Variants in TADA2A observed in about 807,000 individuals in gnomAD.
The protein encoded by TADA2A is transcriptional adapter 2-alpha.
Under a neutral mutation model 67.4 loss-of-function variants are expected in TADA2A, and 38 were observed. That is an observed-to-expected ratio of 0.56 (90% confidence interval 0.44 to 0.74). The LOEUF is 0.74. Ranked by LOEUF, TADA2A falls within the 30% of genes least tolerant of loss-of-function variation. The pLI is 0.00. For missense variants in TADA2A, 454 were observed against 547.0 expected, an observed-to-expected ratio of 0.83 and a Z score of 1.70; for synonymous variants, 192 against 181.6, an observed-to-expected ratio of 1.06 and a Z score of -0.46.
At chr17:37,433,205 G>A in intron 4 of TADA2A, among the ~76,000 whole-genome samples, 1 of 151,830 alleles carries the variant, frequency 6.6e-6, no homozygotes, top group Admixed American at 6.6e-5. Context: ...CTCCCACCTT[G>A]GCCTCCCAGA....
intron 4 of TADA2A, 55 bp downstream of exon 4, chr17:37,427,064 G>A: frequency 2.1e-6 from 3 of 1,451,952 alleles, no homozygotes; most frequent in Middle Eastern, 1.9e-4. Context: ...ATTAGACTGG[G>A]AAGTAGTTTT....
chr17:37,470,576 G>T (rs1330476052), intron 13 of TADA2A, 44 bp downstream of exon 13: 1 of 1,475,442 alleles, frequency 6.8e-7, no homozygotes, highest in Non-Finnish European at 9.0e-7. Flanking sequence ...TTTCTGGGAT[G>T]CCTTGGCCTT....
At chr17:37,436,984 G>A (rs1227979957) in intron 4 of TADA2A, among the ~76,000 whole-genome samples, 1 of 151,874 alleles carries the variant, frequency 6.6e-6, no homozygotes, top group Non-Finnish European at 1.5e-5. Flanking sequence ...GTGGAAACGG[G>A]TGGGAGAGGT....
At chr17:37,427,664 C>T (rs990294379) in intron 4 of TADA2A, among the ~76,000 whole-genome samples, 1 of 152,034 alleles carries the variant, frequency 6.6e-6, no homozygotes, top group African/African-American at 2.4e-5. Flanking sequence ...GTCTGCTTGA[C>T]GGGTATATAT....
chr17:37,437,925 A>ATG, intron 5 of TADA2A, 96 bp downstream of exon 5: 1 of 1,168,076 alleles, frequency 8.6e-7, no homozygotes, highest in South Asian at 1.3e-5. Flanking sequence ...AAGAGAAAGT[A>ATG]TGTGTTGCTT....
At chr17:37,468,617 T>G (rs1376883919) in intron 12 of TADA2A, among the ~76,000 whole-genome samples, 1 of 152,014 alleles carries the variant, frequency 6.6e-6, no homozygotes. Context: ...TCCTCCCGCC[T>G]AGGCCTCTCA....
intron 5 of TADA2A, 95 bp from the exon 6 acceptor site, chr17:37,440,410 T>C (rs2052878154): frequency 2.2e-6 from 3 of 1,382,016 alleles, no homozygotes; most frequent in East Asian, 2.4e-5. Context: ...GTATATTATA[T>C]GGATGTGACT....
chr17:37,466,600 C>T (rs1157225874), intron 11 of TADA2A, among the ~76,000 whole-genome samples: 1 of 152,144 alleles, frequency 6.6e-6, no homozygotes, highest in African/African-American at 2.4e-5. Flanking sequence ...GCATTGCAGA[C>T]ATTTATCTGA....
intron 8 of TADA2A, chr17:37,450,690 CTGTT>C (rs2053208238): frequency 6.6e-6 from 1 of 152,212 alleles, no homozygotes; most frequent in African/African-American, 2.4e-5. Context: ...CTCTGGTTCT[CTGTT>C]TGCTAGCTTA....
chr17:37,423,692 C>A, intron 3 of TADA2A, 77 bp downstream of exon 3: 3 of 1,071,270 alleles, frequency 2.8e-6, no homozygotes, highest in Non-Finnish European at 4.2e-6. Context: ...AGATTACTGT[C>A]AACTGCTAAG....
chr17:37,410,642 G>T (rs989712863), intron 1 of TADA2A, among the ~76,000 whole-genome samples: 2 of 152,206 alleles, frequency 1.3e-5, no homozygotes, highest in Non-Finnish European at 2.9e-5. Context: ...TGAGCCACCT[G>T]GGGCTAGGGA....
intron 12 of TADA2A, among the ~76,000 whole-genome samples, chr17:37,469,062 G>A (rs549100073): frequency 4.0e-5 from 6 of 151,512 alleles, no homozygotes; most frequent in African/African-American, 1.5e-4. Flanking sequence ...CACCATACCC[G>A]GCTAATTTTT....
At chr17:37,436,866 G>A (rs1046457754) in intron 4 of TADA2A, among the ~76,000 whole-genome samples, 11 of 151,180 alleles carry the variant, frequency 7.3e-5, no homozygotes, top group Admixed American at 4.0e-4. Flanking sequence ...CTAAATGGGA[G>A]CGTACTGAAA....
rs758490234 is a variant in TADA2A at position 37,442,577 on chromosome 17, T to C, written c.456T>C (p.Pro152=). The change falls in exon 7 of 16, where the codon CCT becomes CCC. Residue 152 remains proline, a synonymous_variant. Transcript: ENST00000615182. ...AAATTCTTCCAGCTACAGATGACCC[T>C]CCCCGACCTACCTTTGACTCCTTGC... ...TAIPFHSTDD[P]PRPTFDSLLS... 2.5e-6 allele frequency: 4 copies of C among 1,613,858 alleles called. No homozygotes were observed. Among genetic ancestry groups the C allele is most frequent in the Non-Finnish European group, 3.4e-6 (4 of 1,179,902 alleles).
chr17:37,458,635 TTTTG>T lies in TADA2A; in HGVS notation c.668+50_668+53del, dbSNP rs780169813. 1.8e-4 allele frequency: 241 copies of T among 1,353,832 alleles called. 4 individuals carry two copies. In the South Asian group the frequency reaches 2.7e-3, roughly 15 times the overall value. The allele number at this position is 1,353,832 out of a possible 1,614,324, so 83.9% of individuals were successfully genotyped here. A position where few individuals can be genotyped will look rare whatever the true frequency, so the allele number is the denominator to read the frequency against. ...GCCTCCTTTCAGCTTTGGATTATTGTTTTGTGTGTGTGTGTGTGTGTGTGTGTGT... is the reference window on the plus strand; with the variant it reads ...GCCTCCTTTCAGCTTTGGATTATTGTTGTGTGTGTGTGTGTGTGTGTGTGT... On this transcript the variant is annotated intron_variant, in intron 9 of 15. Coordinates refer to ENST00000615182, the MANE Select transcript of TADA2A (RefSeq NM_001166105.3).
intron 12 of TADA2A, among the ~76,000 whole-genome samples, chr17:37,467,880 G>A (rs928626162): frequency 5.3e-5 from 8 of 152,012 alleles, no homozygotes; most frequent in Non-Finnish European, 1.2e-4. Context: ...CCAGGAGTTC[G>A]AGACCAGCCT....
At chr17:37,462,427 G>C (rs941994772) in intron 10 of TADA2A, among the ~76,000 whole-genome samples, 2 of 151,878 alleles carry the variant, frequency 1.3e-5, no homozygotes, top group Admixed American at 6.6e-5. Context: ...AGGAGATCAA[G>C]ACCATCCTGG....
intron 8 of TADA2A, 80 bp downstream of exon 8, chr17:37,444,848 G>T (rs781605656): frequency 7.9e-7 from 1 of 1,268,776 alleles, no homozygotes; most frequent in Non-Finnish European, 1.1e-6. Context: ...ATTGAAGGAT[G>T]AATAGAACAT....
At chr17:37,429,867 A>T (rs1482139156) in intron 4 of TADA2A, among the ~76,000 whole-genome samples, 1 of 152,128 alleles carries the variant, frequency 6.6e-6, no homozygotes, top group Non-Finnish European at 1.5e-5. Context: ...CTTGGAATAA[A>T]TTTTTTCCCC....
Sources: allele counts gnomAD v4.1 joint callset (sites outside exome capture counted in the v4.1 genomes callset), GRCh38; gene constraint gnomAD v4.1.1; transcripts MANE v1.5; gene names NCBI Gene and HGNC (gene_info 2026-07-23, HGNC 2026-07-21).